The following ZBTB20 variants were observed in gnomAD, a reference collection of about 807,000 sequenced individuals.
ZBTB20 encodes zinc finger and BTB domain-containing protein 20.
ZBTB20 carries 9 observed loss-of-function variants against 56.9 expected under a neutral mutation model. The ratio of observed to expected loss-of-function variants is 0.16; its 90% CI spans 0.10 to 0.28. ZBTB20 has a LOEUF of 0.28. Ranked by LOEUF, ZBTB20 falls within the 10% of genes least tolerant of loss-of-function variation. The probability of loss-of-function intolerance (pLI) is 1.00; values close to 1 mark genes in which losing one functional copy is unlikely to be tolerated. For missense variants in ZBTB20, 655 were observed against 1,003.0 expected, an observed-to-expected ratio of 0.65 and a Z score of 4.69; for synonymous variants, 417 against 420.7, an observed-to-expected ratio of 0.99 and a Z score of 0.11.
intron 5 of ZBTB20, among the ~76,000 whole-genome samples, chr3:114,730,846 C>A (rs2065684152): frequency 6.6e-6 from 1 of 152,156 alleles, no homozygotes; most frequent in Non-Finnish European, 1.5e-5. Flanking sequence ...TCATCACAAC[C>A]TGTAAGGAAG....
intron 2 of ZBTB20, among the ~76,000 whole-genome samples, chr3:114,976,532 A>C (rs1282044541): frequency 6.6e-6 from 1 of 152,014 alleles, no homozygotes; most frequent in African/African-American, 2.4e-5. Context: ...AGGCTGAAGC[A>C]GGAGAATTGC....
At chr3:114,437,546 C>T (rs1251611158) in intron 7 of ZBTB20, among the ~76,000 whole-genome samples, 1 of 151,992 alleles carries the variant, frequency 6.6e-6, no homozygotes, top group African/African-American at 2.4e-5. Flanking sequence ...GTGAGTTAGG[C>T]TTTGTGTTAG....
chr3:114,852,452 G>C (rs1222959170), intron 4 of ZBTB20, among the ~76,000 whole-genome samples: 2 of 151,068 alleles, frequency 1.3e-5, no homozygotes, highest in African/African-American at 4.9e-5. Flanking sequence ...TTAGTAGAGA[G>C]GGGGTTTCAC....
intron 6 of ZBTB20, among the ~76,000 whole-genome samples, chr3:114,632,924 C>A (rs959547035): frequency 3.3e-5 from 5 of 152,150 alleles, no homozygotes; most frequent in African/African-American, 4.8e-5. Context: ...CAGTGCGCAC[C>A]TGTTTAAACA....
At chr3:114,365,275 A>T (rs945334589) in intron 10 of ZBTB20, among the ~76,000 whole-genome samples, 2 of 152,138 alleles carry the variant, frequency 1.3e-5, no homozygotes, top group Non-Finnish European at 2.9e-5. Flanking sequence ...GAGTGAACTC[A>T]TCTCTCATTC....
intron 1 of ZBTB20, among the ~76,000 whole-genome samples, chr3:115,130,288 T>C (rs929035708): frequency 6.6e-6 from 1 of 152,198 alleles, no homozygotes; most frequent in Non-Finnish European, 1.5e-5. Context: ...ATCTATTAGG[T>C]CAAATCAGCA....
At chr3:114,559,407 C>A (rs2051700519) in intron 6 of ZBTB20, among the ~76,000 whole-genome samples, 1 of 152,154 alleles carries the variant, frequency 6.6e-6, no homozygotes, top group African/African-American at 2.4e-5. Flanking sequence ...TTGCACAATT[C>A]TGGTCTGAAA....
At chr3:114,466,511 A>T (rs2092560491) in intron 7 of ZBTB20, among the ~76,000 whole-genome samples, 1 of 152,230 alleles carries the variant, frequency 6.6e-6, no homozygotes, top group South Asian at 2.1e-4. Flanking sequence ...CAAGTAGCAG[A>T]ACTCACATGT....
At chr3:114,830,088 T>TG (rs914661002) in intron 4 of ZBTB20, among the ~76,000 whole-genome samples, 2 of 151,850 alleles carry the variant, frequency 1.3e-5, no homozygotes, top group Non-Finnish European at 2.9e-5. Flanking sequence ...TTAGGGACCT[T>TG]GCATGTTTCA....
intron 5 of ZBTB20, among the ~76,000 whole-genome samples, chr3:114,699,111 G>A (rs935952570): frequency 1.3e-5 from 2 of 152,058 alleles, no homozygotes; most frequent in Non-Finnish European, 2.9e-5. Context: ...ATTTTATTAG[G>A]AAAAAGCTTA....
chr3:114,438,242 C>T (rs777229065), intron 7 of ZBTB20, among the ~76,000 whole-genome samples: 1 of 151,932 alleles, frequency 6.6e-6, no homozygotes, highest in Non-Finnish European at 1.5e-5. Flanking sequence ...TTAGCATACA[C>T]GGATGTGTTT....
At chr3:114,627,843 C>T (rs1302268874) in intron 6 of ZBTB20, among the ~76,000 whole-genome samples, 2 of 152,162 alleles carry the variant, frequency 1.3e-5, no homozygotes, top group Non-Finnish European at 2.9e-5. Context: ...TTCTTTCACT[C>T]CCCACAGATG....
intron 5 of ZBTB20, among the ~76,000 whole-genome samples, chr3:114,750,034 C>A (rs1342233723): frequency 6.6e-6 from 1 of 152,248 alleles, no homozygotes; most frequent in East Asian, 1.9e-4. Context: ...TTTAGCAATA[C>A]TCTTTAGAGA....
intron 2 of ZBTB20, among the ~76,000 whole-genome samples, chr3:115,040,169 T>G (rs1414227099): frequency 6.6e-6 from 1 of 152,148 alleles, no homozygotes; most frequent in African/African-American, 2.4e-5. Context: ...TATATAATGC[T>G]GAATGACTCA....
At chr3:114,362,215 AGT>A (rs1214871073) in intron 10 of ZBTB20, among the ~76,000 whole-genome samples, 1 of 152,096 alleles carries the variant, frequency 6.6e-6, no homozygotes, top group Non-Finnish European at 1.5e-5. Flanking sequence ...CACCTAAGTT[AGT>A]TCTTACCAAT....
intron 6 of ZBTB20, among the ~76,000 whole-genome samples, chr3:114,589,757 C>T (rs142696696): frequency 6.6e-6 from 1 of 152,178 alleles, no homozygotes; most frequent in Non-Finnish European, 1.5e-5. Context: ...GCAACAGAAA[C>T]ATATTTTTAC....
At chr3:114,569,248 A>G (rs1164986514) in intron 6 of ZBTB20, among the ~76,000 whole-genome samples, 1 of 152,232 alleles carries the variant, frequency 6.6e-6, no homozygotes, top group Non-Finnish European at 1.5e-5. Context: ...AATCAGAAGC[A>G]TTGATGGATG....
chr3:114,982,489 T>C (rs1030776679), intron 2 of ZBTB20, among the ~76,000 whole-genome samples: 1 of 152,010 alleles, frequency 6.6e-6, no homozygotes, highest in African/African-American at 2.4e-5. Context: ...CATTGAGTAA[T>C]TCCATGAAGA....
rs970957677 is a variant in ZBTB20 at position 115,055,268 on chromosome 3, G to C, written c.-507+15951C>G. The stretch of plus-strand genomic sequence containing the variant: ...GAAGAAACCAACTGTCATGTCATAA[G>C]GACACTCAAGCAGCCCTACAGACAG... On this transcript the variant is annotated intron_variant, in intron 2 of 11. Transcript: ENST00000675478. Among the ~76,000 whole-genome samples, 8 of 136,120 alleles carry C rather than the reference G, an allele frequency of 5.9e-5. No homozygotes were observed. The South Asian group carries it at 9.6e-4, about 16-fold the overall frequency. The allele number at this position is 136,120 out of a possible 152,430, so 89.3% of individuals were successfully genotyped here. A position where few individuals can be genotyped will look rare whatever the true frequency, so the allele number is the denominator to read the frequency against.
Sources: allele counts gnomAD v4.1 joint callset (sites outside exome capture counted in the v4.1 genomes callset), GRCh38; gene constraint gnomAD v4.1.1; transcripts MANE v1.5; gene names NCBI Gene and HGNC (gene_info 2026-07-23, HGNC 2026-07-21).